Variants in BICD1 observed in about 807,000 individuals in gnomAD.
The protein encoded by BICD1 is BICD cargo adaptor 1, also known as protein bicaudal D homolog 1.
In BICD1, 35 loss-of-function variants were observed where a neutral mutation model predicts 92.5. That is an observed-to-expected ratio of 0.38 (90% CI 0.29 to 0.50). The LOEUF (loss-of-function observed/expected upper bound fraction) is 0.50, where lower values mean the gene tolerates loss of function less well. Ranked by LOEUF, BICD1 falls within the 20% of genes least tolerant of loss-of-function variation. BICD1 has a pLI of 0.93. For missense variants in BICD1, 950 were observed against 1,189.8 expected (o/e 0.80, Z 2.97); for synonymous variants, 429 against 465.1 (o/e 0.92, Z 1.00).
At chr12:32,206,825 G>C (rs779597611) in intron 1 of BICD1, among the ~76,000 whole-genome samples, 37 of 152,136 alleles carry the variant, frequency 2.4e-4, no homozygotes, top group Admixed American at 4.6e-4. Context: ...TGATGTAGCT[G>C]CAGTTTATCT....
intron 1 of BICD1, among the ~76,000 whole-genome samples, chr12:32,132,620 C>T (rs1942590974): frequency 6.6e-6 from 1 of 152,090 alleles, no homozygotes; most frequent in African/African-American, 2.4e-5. Context: ...ACTGCCCGCC[C>T]CAACGCCAAG....
Position 32,328,312 on chromosome 12 carries a change from C to T in BICD1, c.1857C>T (p.Arg619=). ...SSPVLDTSDI[R]KEPMNIYNLN... is the part of the protein sequence containing the mutation. The stretch of plus-strand genomic sequence containing the variant: ...CAGTATTGGATACAAGTGACATCCG[C>T]AAAGAGCCAATGAATATCTACAACC... The change falls in exon 5 of 10, where the codon CGC becomes CGT. Residue 619 remains arginine (R), a synonymous_variant. Transcript: ENST00000652176. The surrounding 1 kb of genome is among the most constrained non-coding windows in gnomAD (Gnocchi z 4.4). The T allele has an allele frequency of 3.7e-6, 6 of 1,614,212 alleles. No individual in the cohort carries two copies. The highest frequency in any genetic ancestry group is 5.1e-6 in the Non-Finnish European group (6 of 1,180,036).
chr12:32,346,583 CGTGTATATATATATATATATATATATAT>C (rs1565687229), intron 8 of BICD1, among the ~76,000 whole-genome samples: 14,176 of 26,132 alleles, frequency 0.54, 4,703 homozygotes, highest in Non-Finnish European at 0.66. Flanking sequence ...TATATATATA[CGTGTATATATATATATATATATATATAT>C]ACGTGTATAT....
intron 7 of BICD1, chr12:32,338,018 C>T (rs532052136): frequency 5.0e-5 from 28 of 556,886 alleles, no homozygotes; most frequent in African/African-American, 4.9e-4. Flanking sequence ...CTTTCTAACC[C>T]CCTGCCCAAT....
intron 3 of BICD1, among the ~76,000 whole-genome samples, chr12:32,302,777 A>G (rs1409541348): frequency 8.6e-5 from 13 of 151,198 alleles, no homozygotes; most frequent in Non-Finnish European, 4.4e-5. Flanking sequence ...AACAATTAGC[A>G]CTTTCTAGTT....
chr12:32,126,108 G>C (rs1645974458), intron 1 of BICD1, among the ~76,000 whole-genome samples: 4 of 150,440 alleles, frequency 2.7e-5, no homozygotes, highest in Admixed American at 2.7e-4. Context: ...GAATGCATTT[G>C]CTGAATCAGT....
At chr12:32,244,320 C>A (rs757926854) in intron 2 of BICD1, among the ~76,000 whole-genome samples, 1 of 152,152 alleles carries the variant, frequency 6.6e-6, no homozygotes, top group Non-Finnish European at 1.5e-5. Context: ...CTTTGCCTTT[C>A]CCCTTATGAA....
intron 8 of BICD1, among the ~76,000 whole-genome samples, chr12:32,345,890 C>T (rs1938544596): frequency 6.6e-6 from 1 of 152,248 alleles, no homozygotes; most frequent in African/African-American, 2.4e-5. Context: ...TGGCTCACGC[C>T]TATAATCCCA....
chr12:32,294,006 G>A lies in BICD1; in HGVS notation c.439G>A (p.Val147Met), dbSNP rs1208783503. 1.6e-5 allele frequency: 26 copies of A among 1,612,564 alleles called. No homozygotes were observed. Among genetic ancestry groups the A allele is most frequent in the Non-Finnish European group, 2.0e-5 (24 of 1,179,688 alleles). The change falls in exon 3 of 10, where the codon GTG (valine) becomes ATG (methionine). Residue 147 changes from valine (V) to methionine (M), a missense_variant. This residue lies in a region of BICD1 where 202 missense variants were observed against 205.3 expected (regional missense o/e 0.98). Transcript: ENST00000652176. The part of the protein sequence containing the change: ...VQDLKENNEM[V>M]ELQRIRMKDE... ...TCTGTTGTTTCAGAACAATGAGATG[G>A]TGGAGCTACAGAGAATACGGATGAA... is the stretch of plus-strand genomic sequence containing the variant.
At chr12:32,307,884 G>T (rs561213768) in intron 4 of BICD1, among the ~76,000 whole-genome samples, 5 of 152,260 alleles carry the variant, frequency 3.3e-5, no homozygotes, top group Admixed American at 3.3e-4. Flanking sequence ...TATGAGTTTT[G>T]TTTAACTCTC....
chr12:32,335,308 GC>G (rs1054571084), intron 6 of BICD1, among the ~76,000 whole-genome samples: 1 of 151,666 alleles, frequency 6.6e-6, no homozygotes, highest in African/African-American at 2.4e-5. Flanking sequence ...CTGCCACCAC[GC>G]CCGGCTAATT....
chr12:32,202,492 T>A (rs1489281096), intron 1 of BICD1, among the ~76,000 whole-genome samples: 1 of 152,256 alleles, frequency 6.6e-6, no homozygotes, highest in African/African-American at 2.4e-5. Context: ...CTAAGCTTCA[T>A]CAATATGTAT....
chr12:32,351,856 C>T (rs986280279), intron 8 of BICD1, among the ~76,000 whole-genome samples: 6 of 150,224 alleles, frequency 4.0e-5, no homozygotes, highest in Admixed American at 6.7e-5. Flanking sequence ...TTGCAGTGAG[C>T]CAAGATGGCG....
At chr12:32,193,835 A>T (rs1944645902) in intron 1 of BICD1, among the ~76,000 whole-genome samples, 1 of 152,192 alleles carries the variant, frequency 6.6e-6, no homozygotes, top group Non-Finnish European at 1.5e-5. Context: ...AGAGGAGGGA[A>T]CACTTCCAAA....
intron 2 of BICD1, among the ~76,000 whole-genome samples, chr12:32,288,223 A>ATTTTTTTTTTTTTTTT (rs34913740): frequency 9.1e-6 from 1 of 109,522 alleles, no homozygotes. Flanking sequence ...CCAAGTCCTA[A>ATTTTTTTTTTTTTTTT]TTTTTTTTTT....
chr12:32,146,083 A>C (rs1033988112), intron 1 of BICD1, among the ~76,000 whole-genome samples: 3 of 152,258 alleles, frequency 2.0e-5, no homozygotes, highest in Admixed American at 6.5e-5. Context: ...ACATATACAT[A>C]TGAACAAAGG....
chr12:32,139,836 A>T (rs897947), intron 1 of BICD1, among the ~76,000 whole-genome samples: 1 of 152,080 alleles, frequency 6.6e-6, no homozygotes, highest in Admixed American at 6.5e-5. Context: ...CTGAGATTAC[A>T]GGCGTGAGCC....
intron 9 of BICD1, among the ~76,000 whole-genome samples, chr12:32,370,428 A>T (rs1939695083): frequency 6.6e-6 from 1 of 151,588 alleles, no homozygotes; most frequent in Non-Finnish European, 1.5e-5. Context: ...TAAATATTCA[A>T]ACTCGTCTCA....
At chr12:32,368,280 G>A (rs866259617) in intron 9 of BICD1, among the ~76,000 whole-genome samples, 4 of 152,028 alleles carry the variant, frequency 2.6e-5, no homozygotes, top group Admixed American at 6.6e-5. Flanking sequence ...AGGATCAATC[G>A]CTTGAGCCTG....
Sources: allele counts gnomAD v4.1 joint callset (sites outside exome capture counted in the v4.1 genomes callset), GRCh38; gene constraint gnomAD v4.1.1; regional missense constraint gnomAD v4.1.1; non-coding constraint Gnocchi (gnomAD v3.1); transcripts MANE v1.5; gene names NCBI Gene and HGNC (gene_info 2026-07-23, HGNC 2026-07-21).